GRIK1: variants seen among roughly 807,000 people sequenced by gnomAD.
GRIK1 encodes the protein glutamate ionotropic receptor kainate type subunit 1.
A neutral mutation model predicts 105.7 loss-of-function variants in GRIK1; 69 were observed. The ratio of observed to expected loss-of-function variants is 0.65; its 90% CI spans 0.54 to 0.80. The LOEUF is 0.80. Among genes scored for constraint, GRIK1 ranks in the 30% least tolerant of loss-of-function variants. The probability of loss-of-function intolerance (pLI) is 0.00; values close to 1 mark genes in which losing one functional copy is unlikely to be tolerated. For missense variants in GRIK1, 1,109 were observed against 1,167.3 expected (o/e 0.95, Z 0.73); for synonymous variants, 438 against 431.3 (o/e 1.02, Z -0.19).
At chr21:29,637,933 G>T (rs1413449476) in intron 7 of GRIK1, among the ~76,000 whole-genome samples, 1 of 152,056 alleles carries the variant, frequency 6.6e-6, no homozygotes, top group African/African-American at 2.4e-5. Context: ...TGTCTCCATG[G>T]AACTTTCGGT....
chr21:29,663,932 G>A (rs2063012956), intron 4 of GRIK1, among the ~76,000 whole-genome samples: 1 of 152,112 alleles, frequency 6.6e-6, no homozygotes, highest in African/African-American at 2.4e-5. Context: ...TAGTGGAGAA[G>A]GAAGATGATG....
intron 1 of GRIK1, among the ~76,000 whole-genome samples, chr21:29,768,634 A>G (rs1380685338): frequency 6.6e-6 from 1 of 152,220 alleles, no homozygotes; most frequent in Non-Finnish European, 1.5e-5. Flanking sequence ...TTGCATGGGC[A>G]TATGTGCAGG....
At chr21:29,765,348 G>C (rs1373572603) in intron 1 of GRIK1, among the ~76,000 whole-genome samples, 1 of 151,988 alleles carries the variant, frequency 6.6e-6, no homozygotes, top group East Asian at 1.9e-4. Context: ...TAATGAGAAA[G>C]GCTCATTTCT....
At chr21:29,602,042 G>A (rs2061528639) in intron 7 of GRIK1, among the ~76,000 whole-genome samples, 1 of 152,062 alleles carries the variant, frequency 6.6e-6, no homozygotes, top group Non-Finnish European at 1.5e-5. Flanking sequence ...TCTTTGATTG[G>A]GAGTCAAGAA....
chr21:29,850,003 C>G (rs1233526568), intron 1 of GRIK1, among the ~76,000 whole-genome samples: 4 of 152,096 alleles, frequency 2.6e-5, no homozygotes, highest in Non-Finnish European at 4.4e-5. Context: ...AACAAACAGC[C>G]CCCATGAAAC....
At chr21:29,936,110 G>A (rs755510481) in intron 1 of GRIK1, among the ~76,000 whole-genome samples, 2 of 152,092 alleles carry the variant, frequency 1.3e-5, no homozygotes, top group South Asian at 2.1e-4. Context: ...CTCACTCATT[G>A]ATGTATCTAG....
At chr21:29,749,553 C>T (rs1482861942) in intron 1 of GRIK1, among the ~76,000 whole-genome samples, 2 of 152,216 alleles carry the variant, frequency 1.3e-5, no homozygotes, top group Non-Finnish European at 2.9e-5. Context: ...CTTCACAAGA[C>T]TGCCAAATCC....
intron 1 of GRIK1, among the ~76,000 whole-genome samples, chr21:29,838,168 G>C (rs1010829606): frequency 2.0e-5 from 3 of 152,116 alleles, no homozygotes; most frequent in African/African-American, 7.2e-5. Context: ...TCCATAATAG[G>C]ATAAGAGGAA....
chr21:29,822,597 G>C (rs2067335411), intron 1 of GRIK1, among the ~76,000 whole-genome samples: 1 of 151,942 alleles, frequency 6.6e-6, no homozygotes, highest in Non-Finnish European at 1.5e-5. Flanking sequence ...AATGTTACAT[G>C]CACATCTTCT....
At chr21:29,881,208 C>T (rs464668) in intron 1 of GRIK1, among the ~76,000 whole-genome samples, 21,574 of 152,090 alleles carry the variant, frequency 0.14, 1,793 homozygotes, top group East Asian at 0.34. Context: ...CTTAGTATAG[C>T]TTTGCCTTAT....
rs146162066 is a variant in GRIK1 at position 29,588,494 on chromosome 21, G to T, written c.1569+345C>A. Among the ~76,000 whole-genome samples, 668 of 152,226 alleles carry T rather than the reference G, an allele frequency of 4.4e-3. 2 individuals carry two copies. The highest frequency in any genetic ancestry group is 0.014 in the Middle Eastern group (4 of 294). On this transcript the variant is annotated intron_variant, in intron 11 of 17. Coordinates refer to ENST00000327783, the MANE Select transcript of GRIK1 (RefSeq NM_001330994.2). Reference sequence around the variant, plus strand: ...CCTGCTTTCACGCATTCTCTCACCTGCCACCCTGTGATGAAGTGTCTTCTG... The same window carrying T: ...CCTGCTTTCACGCATTCTCTCACCTTCCACCCTGTGATGAAGTGTCTTCTG...
intron 1 of GRIK1, among the ~76,000 whole-genome samples, chr21:29,764,333 A>C (rs2065604312): frequency 6.6e-6 from 1 of 152,116 alleles, no homozygotes; most frequent in South Asian, 2.1e-4. Context: ...ACCTTTATTT[A>C]TTTCCTCCCT....
At chr21:29,683,591 A>C (rs143106219) in intron 3 of GRIK1, among the ~76,000 whole-genome samples, 1 of 152,252 alleles carries the variant, frequency 6.6e-6, no homozygotes, top group African/African-American at 2.4e-5. Flanking sequence ...CGTGGACATA[A>C]AGATGGGAAG....
chr21:29,828,006 T>G (rs1390641366), intron 1 of GRIK1, among the ~76,000 whole-genome samples: 1 of 66,560 alleles, frequency 1.5e-5, no homozygotes, highest in Non-Finnish European at 4.3e-5. Context: ...TCTCTCTGTC[T>G]CTCTCTGTGT....
chr21:29,614,864 G>A (rs534310207), intron 7 of GRIK1, among the ~76,000 whole-genome samples: 14 of 151,508 alleles, frequency 9.2e-5, no homozygotes, highest in South Asian at 2.1e-4. Flanking sequence ...AATAATTCAC[G>A]AATTTGTTCC....
At chr21:29,846,850 A>G (rs2068140272) in intron 1 of GRIK1, among the ~76,000 whole-genome samples, 1 of 152,296 alleles carries the variant, frequency 6.6e-6, no homozygotes, top group Non-Finnish European at 1.5e-5. Flanking sequence ...CCTTCATTAT[A>G]AAATTTTTTC....
intron 2 of GRIK1, among the ~76,000 whole-genome samples, chr21:29,692,006 A>G (rs2063593449): frequency 6.6e-6 from 1 of 152,188 alleles, no homozygotes; most frequent in Admixed American, 6.5e-5. Context: ...AGATAAAAGG[A>G]GAGTATGGGA....
rs952877382 is a variant in GRIK1, at chr21:29,939,785, C to T, written c.-285G>A. The stretch of plus-strand genomic sequence containing the variant: ...CGCGGAGGATCAGCGCTCTCTGGCT[C>T]CCGGAGCCCAGAGACCAGCTGAGGA... On this transcript the variant is annotated 5_prime_UTR_variant, in exon 1 of 18. Coordinates refer to ENST00000327783, the MANE Select transcript of GRIK1 (RefSeq NM_001330994.2). 7 of 317,234 alleles carry T rather than the reference C, an allele frequency of 2.2e-5. No individual in the cohort carries two copies. The highest frequency in any genetic ancestry group is 4.0e-5 in the Non-Finnish European group (7 of 174,316). The allele number at this position is 317,234 out of a possible 1,614,324, so 19.7% of individuals were successfully genotyped here. A position where few individuals can be genotyped will look rare whatever the true frequency, so the allele number is the denominator to read the frequency against.
chr21:29,809,630 G>C (rs971905688), intron 1 of GRIK1, among the ~76,000 whole-genome samples: 3 of 152,150 alleles, frequency 2.0e-5, no homozygotes, highest in African/African-American at 7.2e-5. Context: ...GTGTTCACTG[G>C]GGTAGCCCTT....
Sources: gnomAD v4.1 joint callset for allele counts (sites outside exome capture counted in the v4.1 genomes callset) on GRCh38, gnomAD v4.1.1 for gene constraint, MANE v1.5 for transcripts, NCBI Gene and HGNC (gene_info 2026-07-23, HGNC 2026-07-21) for gene names.